BNIP1: variants seen among roughly 807,000 people sequenced by gnomAD.
BNIP1 encodes the protein BCL2 interacting protein 1.
A neutral mutation model predicts 28.5 loss-of-function variants in BNIP1; 25 were observed. The observed-to-expected ratio is 0.88, with a 90% confidence interval of 0.64 to 1.23. The LOEUF (loss-of-function observed/expected upper bound fraction) is 1.23, where lower values mean the gene tolerates loss of function less well. Ranked by LOEUF, BNIP1 falls within the 50% of genes most tolerant of loss-of-function variation. The pLI is 0.00. For synonymous variants in BNIP1, 118 were observed against 101.7 expected (o/e 1.16, Z -0.96); for missense variants, 276 against 277.0 (o/e 1.00, Z 0.02).
chr5:173,152,604 C>T (rs1190775565), intron 2 of BNIP1, among the ~76,000 whole-genome samples: 1 of 152,136 alleles, frequency 6.6e-6, no homozygotes, highest in Non-Finnish European at 1.5e-5. Flanking sequence ...CTGCCCTGGC[C>T]TCCCAAGGTG....
At chr5:173,147,402 C>T (rs1374247176) in intron 2 of BNIP1, among the ~76,000 whole-genome samples, 5 of 150,888 alleles carry the variant, frequency 3.3e-5, no homozygotes, top group African/African-American at 1.2e-4. Flanking sequence ...GAGACTCTGT[C>T]TCAAAAAAAA....
intron 1 of BNIP1, chr5:173,144,982 C>T (rs1274856098): frequency 9.8e-6 from 2 of 203,220 alleles, no homozygotes; most frequent in Non-Finnish European, 2.0e-5. Context: ...TTGGCCCCGC[C>T]CTCTGACGCT....
chr5:173,147,717 G>A (rs1759881767), intron 2 of BNIP1, among the ~76,000 whole-genome samples: 1 of 151,938 alleles, frequency 6.6e-6, no homozygotes, highest in African/African-American at 2.4e-5. Context: ...ACTAGAGGGT[G>A]ACAAGTAGCA....
Position 173,151,687 on chromosome 5 carries a change from C to T in BNIP1, c.178-2635C>T, listed in dbSNP as rs781034818. ...TTCAACTCTCCAACTACACCTGTTA[C>T]CTTCAGTGTGAGTATTTGTATGTTC... is the stretch of plus-strand genomic sequence containing the variant. On this transcript the variant is annotated intron_variant, in intron 2 of 5. Coordinates refer to ENST00000351486, the MANE Select transcript of BNIP1 (RefSeq NM_001205.3). 1.2e-5 allele frequency: 20 copies of T among 1,613,682 alleles called. No individual in the cohort carries two copies. The Admixed American group carries it at 3.2e-4, about 26-fold the overall frequency.
intron 5 of BNIP1, among the ~76,000 whole-genome samples, chr5:173,162,949 T>C (rs940307989): frequency 1.3e-5 from 2 of 152,226 alleles, no homozygotes; most frequent in Non-Finnish European, 1.5e-5. Context: ...CCCTGTTTCT[T>C]ACCTAAATGG....
chr5:173,148,083 A>AT (rs1561593382), intron 2 of BNIP1, among the ~76,000 whole-genome samples: 1 of 40,300 alleles, frequency 2.5e-5, no homozygotes, highest in Non-Finnish European at 3.9e-5. Context: ...AAAAAAAAAA[A>AT]ATATATATAT....
At chr5:173,161,014 T>C in intron 5 of BNIP1, 1 of 361,038 alleles carries the variant, frequency 2.8e-6, no homozygotes, top group South Asian at 2.1e-5. Context: ...ATTGCACACG[T>C]GGACAAAAGG....
intron 1 of BNIP1, among the ~76,000 whole-genome samples, chr5:173,145,704 A>C (rs1437623870): frequency 1.3e-5 from 2 of 152,252 alleles, no homozygotes; most frequent in African/African-American, 4.8e-5. Flanking sequence ...CGCCCGGCCT[A>C]AACCTTGGTT....
At chr5:173,154,463 C>A in intron 3 of BNIP1, 50 bp downstream of exon 3, 1 of 1,454,860 alleles carries the variant, frequency 6.9e-7, no homozygotes, top group Non-Finnish European at 9.5e-7. Flanking sequence ...CTTCTTGTTG[C>A]CTGTGAGCCT....
chr5:173,152,232 C>T (rs761070403), intron 2 of BNIP1, among the ~76,000 whole-genome samples: 38 of 152,214 alleles, frequency 2.5e-4, no homozygotes, highest in Non-Finnish European at 1.5e-4. Flanking sequence ...TTAATCCCTC[C>T]GCTTTTCCCA....
chr5:173,154,830 C>T (rs1209007697), intron 3 of BNIP1, among the ~76,000 whole-genome samples: 1 of 152,074 alleles, frequency 6.6e-6, no homozygotes, highest in African/African-American at 2.4e-5. Flanking sequence ...CCAATTGCAT[C>T]AGTTACACAC....
chr5:173,153,604 G>A (rs959268294), intron 2 of BNIP1, among the ~76,000 whole-genome samples: 1 of 152,132 alleles, frequency 6.6e-6, no homozygotes, highest in Non-Finnish European at 1.5e-5. Flanking sequence ...CCCTAGATCA[G>A]TGGAAGGAGC....
At chr5:173,144,727 G>A (rs1759781254) in intron 1 of BNIP1, 98 bp downstream of exon 1, 1 of 1,313,804 alleles carries the variant, frequency 7.6e-7, no homozygotes, top group South Asian at 1.3e-5. Context: ...TTCCCCACTT[G>A]GTTTCCCAGA....
chr5:173,158,442 C>T (rs1760267457), intron 3 of BNIP1, among the ~76,000 whole-genome samples: 1 of 152,224 alleles, frequency 6.6e-6, no homozygotes, highest in Admixed American at 6.5e-5. Context: ...GAAGTCCAGC[C>T]ATTGTGGAGC....
At chr5:173,151,474 G>A in intron 2 of BNIP1, 5 of 1,323,704 alleles carry the variant, frequency 3.8e-6, no homozygotes, top group Non-Finnish European at 5.1e-6. Flanking sequence ...GCCTGCCTCA[G>A]CCTTCCAAAG....
In BNIP1 at chr5:173,144,905, C is replaced by G. The variant is rs570135057; in HGVS notation, c.84+276C>G. 2.0e-4 allele frequency: 80 copies of G among 393,160 alleles called. 1 individual carries two copies. The South Asian group carries it at 2.6e-3, about 13-fold the overall frequency. The allele number at this position is 393,160 out of a possible 1,614,324, so 24.4% of individuals were successfully genotyped here. On this transcript the variant is annotated intron_variant, in intron 1 of 5. Coordinates refer to ENST00000351486, the MANE Select transcript of BNIP1 (RefSeq NM_001205.3). ...CTACTGCTTCGGGGCTCGGCTTTGCCCCTTCCACCTGCAGCCCTGGTCGTC... is the reference window on the plus strand; with the variant it reads ...CTACTGCTTCGGGGCTCGGCTTTGCGCCTTCCACCTGCAGCCCTGGTCGTC...
chr5:173,161,881 C>T (rs1217886343), intron 5 of BNIP1: 4 of 152,092 alleles, frequency 2.6e-5, no homozygotes, highest in Admixed American at 1.3e-4. Flanking sequence ...AAAGAAAGGC[C>T]TATTAGATTT....
intron 2 of BNIP1, among the ~76,000 whole-genome samples, chr5:173,153,494 T>C (rs899296395): frequency 6.6e-6 from 1 of 152,202 alleles, no homozygotes; most frequent in African/African-American, 2.4e-5. Context: ...CCCAAAGTGC[T>C]GGGATTACAG....
chr5:173,145,546 C>T (rs1262498492), intron 1 of BNIP1, among the ~76,000 whole-genome samples: 1 of 152,176 alleles, frequency 6.6e-6, no homozygotes, highest in Non-Finnish European at 1.5e-5. Context: ...GGACTACAGG[C>T]ACCCGCCACC....
Sources: allele counts gnomAD v4.1 joint callset (sites outside exome capture counted in the v4.1 genomes callset), GRCh38; gene constraint gnomAD v4.1.1; transcripts MANE v1.5; gene names NCBI Gene and HGNC (gene_info 2026-07-23, HGNC 2026-07-21).